Variants in FGGY observed in about 807,000 individuals in gnomAD.
FGGY encodes the protein FGGY carbohydrate kinase domain-containing protein.
Under a neutral mutation model 71.3 loss-of-function variants are expected in FGGY, and 72 were observed. That is an observed-to-expected ratio of 1.01 (90% CI 0.84 to 1.23). The LOEUF is 1.23. Among genes scored for constraint, FGGY ranks in the 50% most tolerant of loss-of-function variants. The pLI is 0.00. For synonymous variants in FGGY, 251 were observed against 250.3 expected (o/e 1.00, Z -0.02); for missense variants, 668 against 682.3 (o/e 0.98, Z 0.23).
chr1:59,598,517 C>G (rs1286799677), intron 8 of FGGY, among the ~76,000 whole-genome samples: 1 of 152,134 alleles, frequency 6.6e-6, no homozygotes, highest in Non-Finnish European at 1.5e-5. Flanking sequence ...TCCCTCTATC[C>G]AAATTTGAGG....
chr1:59,571,058 C>T (rs1291719966), intron 8 of FGGY, among the ~76,000 whole-genome samples: 1 of 152,150 alleles, frequency 6.6e-6, no homozygotes, highest in East Asian at 1.9e-4. Context: ...TTCATATACC[C>T]CATCTGTGGA....
chr1:59,568,554 G>A (rs554482189), intron 8 of FGGY, among the ~76,000 whole-genome samples: 1 of 152,212 alleles, frequency 6.6e-6, no homozygotes, highest in South Asian at 2.1e-4. Flanking sequence ...GGAAGAGGTA[G>A]AGCTGAGGTT....
chr1:59,321,645 C>T lies in FGGY; in HGVS notation c.96C>T (p.Val32=). The change falls in exon 2 of 16, where the codon GTC becomes GTT. Residue 32 remains valine (V), a synonymous_variant. Transcript: ENST00000303721. The part of the protein sequence containing the change: ...VRAALVDQSG[V]LLAFADQPIK... ...CAGCTCTGGTGGACCAGAGTGGGGT[C>T]CTGTTGGCTTTTGCAGACCAGCCAA... The T allele has an allele frequency of 1.2e-6, 2 of 1,613,640 alleles. No individual in the cohort carries two copies. The highest frequency in any genetic ancestry group is 2.2e-5 in the South Asian group (2 of 90,984).
intron 4 of FGGY, among the ~76,000 whole-genome samples, chr1:59,351,338 T>TG (rs2053251317): frequency 6.6e-6 from 1 of 152,246 alleles, no homozygotes; most frequent in Admixed American, 6.5e-5. Context: ...TACTCACTGC[T>TG]GGTTCTTCCT....
At chr1:59,463,130 T>C (rs140562893) in intron 6 of FGGY, among the ~76,000 whole-genome samples, 9 of 151,298 alleles carry the variant, frequency 5.9e-5, no homozygotes, top group Admixed American at 6.6e-5. Context: ...ATGCAGCCTA[T>C]ACACCATGGA....
At chr1:59,432,800 A>C (rs2153462338) in intron 5 of FGGY, among the ~76,000 whole-genome samples, 1 of 152,266 alleles carries the variant, frequency 6.6e-6, no homozygotes, top group South Asian at 2.1e-4. Context: ...TCAGTATCAT[A>C]ATTTCCCATT....
At chr1:59,560,794 G>C (rs56071323) in intron 8 of FGGY, among the ~76,000 whole-genome samples, 11,304 of 152,204 alleles carry the variant, frequency 0.074, 943 homozygotes, top group African/African-American at 0.21. Flanking sequence ...CTGGAGTGTG[G>C]TGGAAGTAGG....
intron 15 of FGGY, 51 bp from the exon 16 acceptor site, chr1:59,762,452 T>C: frequency 7.2e-7 from 1 of 1,393,332 alleles, no homozygotes; most frequent in Non-Finnish European, 1.0e-6. Context: ...AGGGAAGCCC[T>C]GTGGCAGTTT....
chr1:59,706,627 T>C (rs2097759146), intron 14 of FGGY, among the ~76,000 whole-genome samples: 1 of 152,234 alleles, frequency 6.6e-6, no homozygotes, highest in African/African-American at 2.4e-5. Context: ...TGTGTAATGA[T>C]TGTAGGTACT....
At chr1:59,537,841 T>C (rs140035139) in intron 7 of FGGY, among the ~76,000 whole-genome samples, 3,203 of 152,162 alleles carry the variant, frequency 0.021, 94 homozygotes, top group African/African-American at 0.067. Context: ...TATACAAAAA[T>C]CAATTCAAGA....
chr1:59,341,548 T>C (rs2050701075), intron 3 of FGGY, among the ~76,000 whole-genome samples: 1 of 152,224 alleles, frequency 6.6e-6, no homozygotes, highest in South Asian at 2.1e-4. Flanking sequence ...CGACATTTAT[T>C]AACACCTCCT....
chr1:59,668,896 C>G (rs1435601922), intron 13 of FGGY, among the ~76,000 whole-genome samples: 2 of 148,214 alleles, frequency 1.3e-5, no homozygotes, highest in Non-Finnish European at 3.0e-5. Flanking sequence ...GAGGCTGAGG[C>G]AGGAGAATTG....
Position 59,490,994 on chromosome 1 carries a change from GCTT to G in FGGY, c.671-21315_671-21313del, listed in dbSNP as rs2153584502. ...CTCCAGCCTGCTTGCTTGCTTGCTT[GCTT>G]CCTTTCCTTTCCTTTCCTTTCCTTT... On this transcript the variant is annotated intron_variant, in intron 6 of 15. Transcript: ENST00000303721. Among the ~76,000 whole-genome samples, 2 of 41,188 alleles carry G rather than the reference GCTT, an allele frequency of 4.9e-5. 1 individual carries two copies. The highest frequency in any genetic ancestry group is 2.6e-4 in the African/African-American group (2 of 7,732). 27.0% of individuals were successfully genotyped at this position (41,188 alleles called of 152,430 possible).
intron 8 of FGGY, among the ~76,000 whole-genome samples, chr1:59,580,912 T>A (rs2096181987): frequency 6.6e-6 from 1 of 152,188 alleles, no homozygotes; most frequent in African/African-American, 2.4e-5. Flanking sequence ...AAGTGGTCAG[T>A]TTTTCTGTCC....
At chr1:59,648,667 A>C (rs1003584097) in intron 11 of FGGY, among the ~76,000 whole-genome samples, 2 of 150,020 alleles carry the variant, frequency 1.3e-5, no homozygotes, top group African/African-American at 5.0e-5. Context: ...TCAGATGAGT[A>C]GGTTGCGAAA....
At position 59,404,220 on chromosome 1, in the gene FGGY, C is replaced by A. The variant is rs76830265; in HGVS notation, c.554+25383C>A. Among the ~76,000 whole-genome samples the A allele has an allele frequency of 2.7e-3, 414 of 152,040 alleles. 1 individual carries two copies. Among genetic ancestry groups the A allele is most frequent in the African/African-American group, 9.7e-3 (401 of 41,482 alleles). ...TGGAGCCTGTCGGGGGGCGGGGCCA[C>A]AGGAGGGAGAGCATCAGGATAAATA... On this transcript the variant is annotated intron_variant, in intron 5 of 15. Transcript: ENST00000303721.
chr1:59,574,445 T>C (rs377713190), intron 8 of FGGY, among the ~76,000 whole-genome samples: 27 of 152,324 alleles, frequency 1.8e-4, no homozygotes, highest in African/African-American at 5.8e-4. Context: ...GGTCCTTTTT[T>C]TTTCTTTCTT....
At chr1:59,628,690 T>TAAATAATATTAA (rs2096881538) in intron 10 of FGGY, among the ~76,000 whole-genome samples, 3 of 152,228 alleles carry the variant, frequency 2.0e-5, no homozygotes, top group Non-Finnish European at 4.4e-5. Context: ...TAATGCTTAG[T>TAAATAATATTAA]TGTCAGGCTG....
chr1:59,412,879 A>G (rs2063806773), intron 5 of FGGY, among the ~76,000 whole-genome samples: 1 of 152,156 alleles, frequency 6.6e-6, no homozygotes, highest in Non-Finnish European at 1.5e-5. Context: ...ACTCTGAGGA[A>G]ATGACATTTG....
Sources: allele counts gnomAD v4.1 joint callset (sites outside exome capture counted in the v4.1 genomes callset), GRCh38; gene constraint gnomAD v4.1.1; transcripts MANE v1.5; gene names NCBI Gene and HGNC (gene_info 2026-07-23, HGNC 2026-07-21).